The following KIF15 variants were observed in gnomAD, a reference collection of about 807,000 sequenced individuals.
KIF15 encodes the protein kinesin family member 15, also known as kinesin-like protein KIF15.
KIF15 carries 140 observed loss-of-function variants against 190.6 expected under a neutral mutation model. That is an observed-to-expected ratio of 0.73 (90% CI 0.64 to 0.84). The LOEUF is 0.84. Among genes scored for constraint, KIF15 ranks in the 40% least tolerant of loss-of-function variants. The probability of loss-of-function intolerance (pLI) is 0.00; values close to 1 mark genes in which losing one functional copy is unlikely to be tolerated. For missense variants in KIF15, 1,372 were observed against 1,584.4 expected (o/e 0.87, Z 2.28); for synonymous variants, 528 against 551.3 (o/e 0.96, Z 0.59).
intron 26 of KIF15, among the ~76,000 whole-genome samples, chr3:44,836,371 A>AATAG (rs1222079351): frequency 6.6e-6 from 1 of 152,036 alleles, no homozygotes; most frequent in African/African-American, 2.4e-5. Flanking sequence ...TAAATAAATA[A>AATAG]ATAATTTTTT....
At chr3:44,781,385 T>A (rs2125911840) in intron 5 of KIF15, among the ~76,000 whole-genome samples, 1 of 152,354 alleles carries the variant, frequency 6.6e-6, no homozygotes, top group African/African-American at 2.4e-5. Context: ...GATTCACTCA[T>A]GTTGTTGCAT....
chr3:44,776,251 T>C (rs926305036), intron 3 of KIF15, among the ~76,000 whole-genome samples: 19 of 151,570 alleles, frequency 1.3e-4, no homozygotes, highest in African/African-American at 3.2e-4. Context: ...TTTTTTTTTT[T>C]TCCCCCCACT....
chr3:44,809,886 G>A (rs939912524), intron 16 of KIF15, among the ~76,000 whole-genome samples: 1 of 152,060 alleles, frequency 6.6e-6, no homozygotes, highest in Non-Finnish European at 1.5e-5. Flanking sequence ...GGCCAACATG[G>A]TGAAACCCCA....
Position 44,852,929 on chromosome 3 carries a change from G to C in KIF15, c.*194G>C. 2.3e-6 allele frequency: 1 copy of C among 436,426 alleles called. No homozygotes were observed. The highest frequency in any genetic ancestry group is 4.0e-6 in the Non-Finnish European group (1 of 250,948). The allele number at this position is 436,426 out of a possible 1,614,324, so 27.0% of individuals were successfully genotyped here. ...CATATACACCCTGTGACAGTCAGCAGTCTGCTATTAAGTGGCCTACTTCAA... is the reference window on the plus strand; with the variant it reads ...CATATACACCCTGTGACAGTCAGCACTCTGCTATTAAGTGGCCTACTTCAA... On this transcript the variant is annotated 3_prime_UTR_variant, in exon 35 of 35. Coordinates refer to ENST00000326047, the MANE Select transcript of KIF15 (RefSeq NM_020242.3).
At chr3:44,825,435 G>A (rs1367676000) in intron 20 of KIF15, among the ~76,000 whole-genome samples, 2 of 152,186 alleles carry the variant, frequency 1.3e-5, no homozygotes, top group Admixed American at 1.3e-4. Flanking sequence ...TGCTTTGGAT[G>A]ATCCAGAGGT....
chr3:44,848,751 C>G (rs1471487672), intron 32 of KIF15, among the ~76,000 whole-genome samples, 193 bp downstream of exon 32: 1 of 152,070 alleles, frequency 6.6e-6, no homozygotes, highest in South Asian at 2.1e-4. Flanking sequence ...CAAAAGAAAT[C>G]TTAAAGAAAT....
intron 26 of KIF15, 31 bp downstream of exon 26, chr3:44,831,049 T>C (rs760634211): frequency 2.2e-5 from 35 of 1,604,482 alleles, no homozygotes; most frequent in Non-Finnish European, 2.9e-5. Context: ...GCTTCTTTGT[T>C]TGCCTTATTA....
chr3:44,803,024 T>A (rs780217472), intron 14 of KIF15, 33 bp downstream of exon 14: 29 of 1,551,868 alleles, frequency 1.9e-5, no homozygotes, highest in African/African-American at 1.7e-4. Flanking sequence ...ACGTGCCATG[T>A]AGGAAGGGGC....
intron 34 of KIF15, 59 bp from the exon 35 acceptor site, chr3:44,852,614 A>T: frequency 7.6e-7 from 1 of 1,308,450 alleles, no homozygotes. Flanking sequence ...AAAAAAAACC[A>T]CTTCCTGTAA....
chr3:44,805,921 GCAA>G lies in KIF15; in HGVS notation c.1910_1912del (p.Thr637del). 1 of 1,614,098 alleles carries G rather than the reference GCAA, an allele frequency of 6.2e-7. No homozygotes were observed. The highest frequency in any genetic ancestry group is 8.5e-7 in the Non-Finnish European group (1 of 1,179,982). On this transcript the variant is annotated inframe_deletion, in exon 16 of 35. Coordinates refer to ENST00000326047, the MANE Select transcript of KIF15 (RefSeq NM_020242.3). ...CCTTAATCTTGAAAACCTTTTGGAA[GCAA>G]CAAAAGCCTGCAAGCGGCAAGAAGT...
rs779145263 is a variant in KIF15 at position 44,790,918 on chromosome 3, T to A, written c.640-3299T>A. Among the ~76,000 whole-genome samples, 87 of 152,224 alleles carry A rather than the reference T, an allele frequency of 5.7e-4. 1 individual carries two copies. The highest frequency in any genetic ancestry group is 9.1e-4 in the Non-Finnish European group (62 of 68,000). On this transcript the variant is annotated intron_variant, in intron 7 of 34. Transcript: ENST00000326047. Reference sequence around the variant, plus strand: ...GGATGGTCTCTATCTCTTGACCCCGTGATCTGCCTGCCTCGGCCTCCCAAA... The same window carrying A: ...GGATGGTCTCTATCTCTTGACCCCGAGATCTGCCTGCCTCGGCCTCCCAAA...
chr3:44,830,297 T>C (rs183250580), intron 25 of KIF15, among the ~76,000 whole-genome samples: 1 of 152,318 alleles, frequency 6.6e-6, no homozygotes, highest in East Asian at 1.9e-4. Context: ...GGCTGCAGTG[T>C]TTCTCAGGTT....
intron 7 of KIF15, among the ~76,000 whole-genome samples, chr3:44,790,593 A>G (rs964114327): frequency 6.6e-6 from 1 of 150,644 alleles, no homozygotes; most frequent in African/African-American, 2.4e-5. Flanking sequence ...CTATCAACAC[A>G]TTTTGCTTTA....
chr3:44,823,530 C>G (rs1697473586), intron 20 of KIF15, among the ~76,000 whole-genome samples: 2 of 152,184 alleles, frequency 1.3e-5, no homozygotes, highest in African/African-American at 4.8e-5. Flanking sequence ...TTGGGAGAAC[C>G]ACTGTACTCT....
downstream of KIF15, among the ~76,000 whole-genome samples, chr3:44,857,429 A>G (rs1018809001): frequency 9.2e-5 from 14 of 152,216 alleles, no homozygotes; most frequent in African/African-American, 3.1e-4. Context: ...AGTAAGGTCA[A>G]GTTGTTTGGA....
In KIF15 at chr3:44,800,420, A is replaced by G. The variant is rs1707211946; in HGVS notation, c.1205A>G (p.Glu402Gly). ...CTTGCTTCAGGACAGACACCACCAG[A>G]AAGCTTCCTGACCAGAGGTAGGATG... is the stretch of plus-strand genomic sequence containing the variant. ...AELASGQTPP[E>G]SFLTRDKKKT... The change falls in exon 11 of 35, where the codon GAA (glutamate) becomes GGA (glycine). Residue 402 changes from glutamate (E) to glycine (G), a missense_variant. Coordinates refer to ENST00000326047, the MANE Select transcript of KIF15 (RefSeq NM_020242.3). The G allele has an allele frequency of 6.2e-7, 1 of 1,614,126 alleles. No individual in the cohort carries two copies. The highest frequency in any genetic ancestry group is 8.5e-7 in the Non-Finnish European group (1 of 1,180,000).
intron 24 of KIF15, among the ~76,000 whole-genome samples, chr3:44,828,930 G>A (rs540639542): frequency 6.6e-6 from 1 of 152,008 alleles, no homozygotes; most frequent in South Asian, 2.1e-4. Context: ...CTAGCTACTC[G>A]GGAGGCTGAG....
rs190662070 is a variant in KIF15 at position 44,851,916 on chromosome 3, G to A, written c.3936G>A (p.Leu1312=). 17 of 1,613,850 alleles carry A rather than the reference G, an allele frequency of 1.1e-5. No individual in the cohort carries two copies. In the African/African-American group the frequency reaches 2.0e-4, roughly 19 times the overall value. Residue 1312 remains leucine (L), a synonymous_variant, in exon 33 of 35, where the codon CTG becomes CTA. Coordinates refer to ENST00000326047, the MANE Select transcript of KIF15 (RefSeq NM_020242.3). ...AAAAAGAACAACTGAGATCAAAGCT[G>A]GAAGAAATGTATGAAGAAAGAGAGA... ...FQEKEQLRSK[L]EEMYEERERT...
At chr3:44,835,168 G>A (rs1032407456) in intron 26 of KIF15, among the ~76,000 whole-genome samples, 16 of 152,034 alleles carry the variant, frequency 1.1e-4, no homozygotes, top group African/African-American at 3.6e-4. Flanking sequence ...GGATCTAAAG[G>A]GAGACTTGGA....
Sources: allele counts gnomAD v4.1 joint callset (sites outside exome capture counted in the v4.1 genomes callset), GRCh38; gene constraint gnomAD v4.1.1; transcripts MANE v1.5; gene names NCBI Gene and HGNC (gene_info 2026-07-23, HGNC 2026-07-21).